Variants in NBAS observed in about 807,000 individuals in gnomAD.
NBAS encodes NBAS subunit of NRZ tethering complex, also known as NAG/BC035112 fusion.
NBAS carries 219 observed loss-of-function variants against 302.5 expected under a neutral mutation model. The ratio of observed to expected loss-of-function variants is 0.72; its 90% CI spans 0.65 to 0.81. The LOEUF is 0.81. Ranked by LOEUF, NBAS falls within the 30% of genes least tolerant of loss-of-function variation. NBAS has a pLI of 0.00. For synonymous variants in NBAS, 1,118 were observed against 1,021.6 expected, an observed-to-expected ratio of 1.09 and a Z score of -1.80; for missense variants, 2,932 against 2,841.6, an observed-to-expected ratio of 1.03 and a Z score of -0.72.
chr2:15,422,534 A>G (rs2148474336), intron 23 of NBAS, among the ~76,000 whole-genome samples: 1 of 152,130 alleles, frequency 6.6e-6, no homozygotes, highest in East Asian at 1.9e-4. Context: ...AATAAATAAC[A>G]AAATAGTTGA....
intron 32 of NBAS, among the ~76,000 whole-genome samples, chr2:15,358,545 A>C (rs1486585111): frequency 6.6e-6 from 1 of 152,184 alleles, no homozygotes. Context: ...CCCAGGTTCA[A>C]GCAATCCTCC....
the NBAS span, among the ~76,000 whole-genome samples, chr2:15,004,154 C>T: frequency 1.3e-5 from 2 of 152,324 alleles, no homozygotes; most frequent in East Asian, 3.9e-4. Flanking sequence ...TAAACTTAGT[C>T]TCCTTCAACG....
At chr2:14,912,623 T>C in the NBAS span, among the ~76,000 whole-genome samples, 1 of 150,220 alleles carries the variant, frequency 6.7e-6, no homozygotes, top group African/African-American at 2.4e-5. Flanking sequence ...GCTTAGTCAG[T>C]TCAGACACTG....
intron 9 of NBAS, among the ~76,000 whole-genome samples, chr2:15,518,808 G>A (rs533325548): frequency 8.1e-4 from 123 of 152,232 alleles, no homozygotes; most frequent in African/African-American, 2.9e-3. Context: ...GAGGAGCAAG[G>A]CACATCTTAT....
chr2:15,472,587 C>T (rs958720225), intron 16 of NBAS, among the ~76,000 whole-genome samples: 1 of 152,164 alleles, frequency 6.6e-6, no homozygotes, highest in Non-Finnish European at 1.5e-5. Context: ...TGGCCCCCCC[C>T]AGAAGCAGGC....
intron 51 of NBAS, among the ~76,000 whole-genome samples, chr2:15,175,030 C>T (rs1353208000): frequency 2.6e-5 from 4 of 151,920 alleles, no homozygotes; most frequent in Non-Finnish European, 4.4e-5. Context: ...TGCAGTGGCG[C>T]GATCTCAGCT....
the NBAS span, among the ~76,000 whole-genome samples, chr2:15,149,032 T>C: frequency 1.3e-5 from 2 of 152,224 alleles, no homozygotes; most frequent in East Asian, 3.9e-4. Context: ...TCCAGTTAAA[T>C]GGTTAAATGA....
intron 9 of NBAS, among the ~76,000 whole-genome samples, chr2:15,528,887 A>ATATATATGTGTGTGTG (rs1173987792): frequency 6.9e-6 from 1 of 144,398 alleles, no homozygotes. Context: ...AAATATATAT[A>ATATATATGTGTGTGTG]TATATATATA....
intron 44 of NBAS, among the ~76,000 whole-genome samples, chr2:15,241,138 G>C (rs139160007): frequency 2.2e-4 from 33 of 152,306 alleles, no homozygotes; most frequent in African/African-American, 7.5e-4. Flanking sequence ...GTGCATGCTG[G>C]TTGAATGCTG....
intron 42 of NBAS, among the ~76,000 whole-genome samples, chr2:15,277,503 C>T (rs1448564324): frequency 1.3e-5 from 2 of 152,006 alleles, no homozygotes; most frequent in African/African-American, 2.4e-5. Context: ...CATAAACAGC[C>T]TTATTATTTC....
intron 25 of NBAS, among the ~76,000 whole-genome samples, chr2:15,403,921 T>C (rs4668906): frequency 0.59 from 84,804 of 144,542 alleles, 26,136 homozygotes; most frequent in Non-Finnish European, 0.67. Flanking sequence ...TTTTTTTTTT[T>C]CCAGATACAA....
the NBAS span, among the ~76,000 whole-genome samples, chr2:14,788,960 G>C: frequency 5.0e-3 from 752 of 150,680 alleles, 9 homozygotes; most frequent in African/African-American, 0.017. Flanking sequence ...GCAGGCAGGC[G>C]TCCTTGAGCT....
chr2:15,494,275 T>C (rs548020110), intron 11 of NBAS, among the ~76,000 whole-genome samples: 1 of 152,386 alleles, frequency 6.6e-6, no homozygotes, highest in South Asian at 2.1e-4. Context: ...CTAGTAGTTA[T>C]GTGACCACAG....
intron 12 of NBAS, among the ~76,000 whole-genome samples, chr2:15,488,435 T>A (rs1680723816): frequency 6.6e-6 from 1 of 152,180 alleles, no homozygotes; most frequent in Admixed American, 6.5e-5. Context: ...AAGAGTTCCA[T>A]CCTTCTCTAT....
At chr2:14,908,190 C>T in the NBAS span, among the ~76,000 whole-genome samples, 1 of 152,070 alleles carries the variant, frequency 6.6e-6, no homozygotes, top group Non-Finnish European at 1.5e-5. Flanking sequence ...GGTGAAACCC[C>T]GTCTCTACTA....
the NBAS span, among the ~76,000 whole-genome samples, chr2:14,958,890 C>A: frequency 6.6e-6 from 1 of 152,004 alleles, no homozygotes; most frequent in Non-Finnish European, 1.5e-5. Flanking sequence ...CATTAGAAAT[C>A]AAAAAGTAAA....
the NBAS span, among the ~76,000 whole-genome samples, chr2:14,901,695 C>A: frequency 2.0e-5 from 3 of 152,048 alleles, no homozygotes; most frequent in African/African-American, 7.2e-5. Flanking sequence ...GGATAGAAAT[C>A]TAGTAAGGAA....
chr2:15,425,552 T>C (rs535939491), intron 22 of NBAS, among the ~76,000 whole-genome samples: 4 of 152,296 alleles, frequency 2.6e-5, no homozygotes, highest in Admixed American at 6.5e-5. Flanking sequence ...CCTGTAAACA[T>C]TGGGGCATTT....
At chr2:14,819,797 A>T in the NBAS span, among the ~76,000 whole-genome samples, 1 of 152,260 alleles carries the variant, frequency 6.6e-6, no homozygotes, top group African/African-American at 2.4e-5. Flanking sequence ...ATACATAATG[A>T]GTTCAAACAA....
Sources: gnomAD v4.1 joint callset for allele counts (sites outside exome capture counted in the v4.1 genomes callset) on GRCh38, gnomAD v4.1.1 for gene constraint, MANE v1.5 for transcripts, NCBI Gene and HGNC (gene_info 2026-07-23, HGNC 2026-07-21) for gene names.